Variants in RHBDL2 observed in about 807,000 individuals in gnomAD.
RHBDL2 encodes rhomboid like 2.
In RHBDL2, 26 loss-of-function variants were observed where a neutral mutation model predicts 31.7. That is an observed-to-expected ratio of 0.82 (90% CI 0.60 to 1.14). RHBDL2 has a LOEUF of 1.14. RHBDL2 is among the 50% of genes most tolerant of loss of function. The probability of loss-of-function intolerance (pLI) is 0.00; values close to 1 mark genes in which losing one functional copy is unlikely to be tolerated. For synonymous variants in RHBDL2, 123 were observed against 127.2 expected (o/e 0.97, Z 0.22); for missense variants, 336 against 364.4 (o/e 0.92, Z 0.63).
chr1:38,937,227 T>C (rs1353648885), intron 1 of RHBDL2, among the ~76,000 whole-genome samples: 2 of 152,146 alleles, frequency 1.3e-5, no homozygotes, highest in East Asian at 3.9e-4. Context: ...ATTACAGGCG[T>C]GAGCCACCGC....
At chr1:38,926,182 A>G in intron 1 of RHBDL2, 3 of 1,093,962 alleles carry the variant, frequency 2.7e-6, no homozygotes, top group Non-Finnish European at 3.4e-6. Context: ...AGGATTTCTG[A>G]GGCTGGAGGT....
intron 4 of RHBDL2, among the ~76,000 whole-genome samples, chr1:38,905,936 G>A (rs1208341654): frequency 6.6e-6 from 1 of 151,328 alleles, no homozygotes; most frequent in East Asian, 2.0e-4. Flanking sequence ...GCATGGTGGT[G>A]AGCACCTGTA....
At chr1:38,929,547 C>G (rs1433166376) in intron 1 of RHBDL2, 1 of 1,289,286 alleles carries the variant, frequency 7.8e-7, no homozygotes, top group East Asian at 5.5e-5. Context: ...ATTGTTTTTT[C>G]TAAACAGCTG....
rs1394337721 is a variant in RHBDL2, at chr1:38,911,333, C to T, written c.497G>A (p.Gly166Glu). Residue 166 changes from glycine (G) to glutamate (E), a missense_variant, in exon 4 of 8, where the codon GGA becomes GAA. Coordinates refer to ENST00000372990, the MANE Select transcript of RHBDL2 (RefSeq NM_017821.5). ...CTCAGAACACTGACCTGCAATCACTCCTGCCAGGTACACCAGCCCCACACG... is the reference window on the plus strand; with the variant it reads ...CTCAGAACACTGACCTGCAATCACTTCTGCCAGGTACACCAGCCCCACACG... Reference protein sequence around the residue: ...GLRVGLVYLAGVIAGSLASSI... With the variant: ...GLRVGLVYLAEVIAGSLASSI... The T allele has an allele frequency of 1.2e-6, 2 of 1,610,278 alleles. No individual in the cohort carries two copies. Among genetic ancestry groups the T allele is most frequent in the South Asian group, 2.2e-5 (2 of 91,004 alleles).
At chr1:38,890,090 T>C (rs1570910731) in intron 6 of RHBDL2, among the ~76,000 whole-genome samples, 1 of 151,214 alleles carries the variant, frequency 6.6e-6, no homozygotes, top group African/African-American at 2.4e-5. Context: ...TAGGCTGGAG[T>C]GCAGTGGTGC....
chr1:38,935,140 T>C (rs1643482906), intron 1 of RHBDL2, among the ~76,000 whole-genome samples: 1 of 152,164 alleles, frequency 6.6e-6, no homozygotes, highest in African/African-American at 2.4e-5. Flanking sequence ...ATTTCACTTG[T>C]TCAGTTTATG....
chr1:38,887,209 T>G (rs1557606086), intron 7 of RHBDL2, among the ~76,000 whole-genome samples: 1 of 152,120 alleles, frequency 6.6e-6, no homozygotes. Flanking sequence ...TTCCAATCTG[T>G]TTTTTTGTTT....
intron 1 of RHBDL2, among the ~76,000 whole-genome samples, chr1:38,937,277 C>T (rs1299706813): frequency 1.3e-5 from 2 of 152,176 alleles, no homozygotes; most frequent in African/African-American, 4.8e-5. Context: ...AAAACAAATA[C>T]TACGAGTCTG....
At chr1:38,931,260 G>A (rs978467195) in intron 1 of RHBDL2, among the ~76,000 whole-genome samples, 7 of 152,272 alleles carry the variant, frequency 4.6e-5, no homozygotes, top group Non-Finnish European at 7.4e-5. Context: ...TATGGCTCAC[G>A]CCTGTAATCC....
chr1:38,911,645 T>TGCGC (rs1195021985), intron 3 of RHBDL2, among the ~76,000 whole-genome samples: 9 of 63,992 alleles, frequency 1.4e-4, no homozygotes, highest in African/African-American at 1.9e-4. Flanking sequence ...TGTGTGTGTG[T>TGCGC]GCGCGCGCGC....
At chr1:38,893,500 TAAC>T (rs1642878907) in intron 5 of RHBDL2, among the ~76,000 whole-genome samples, 1 of 152,170 alleles carries the variant, frequency 6.6e-6, no homozygotes, top group African/African-American at 2.4e-5. Flanking sequence ...AATCAGCACT[TAAC>T]ATGTCAATAA....
intron 5 of RHBDL2, 34 bp downstream of exon 5, chr1:38,895,935 A>G: frequency 7.3e-7 from 1 of 1,374,178 alleles, no homozygotes; most frequent in Admixed American, 2.0e-5. Context: ...TGTTTTTTTA[A>G]GAGACTCGTG....
At chr1:38,940,427 G>A (rs1643548878) in intron 1 of RHBDL2, among the ~76,000 whole-genome samples, 1 of 151,802 alleles carries the variant, frequency 6.6e-6, no homozygotes, top group Non-Finnish European at 1.5e-5. Flanking sequence ...GGCTGGTCTC[G>A]AACTCCTGGA....
At chr1:38,929,692 G>T in intron 1 of RHBDL2, 1 of 552,522 alleles carries the variant, frequency 1.8e-6, no homozygotes, top group Non-Finnish European at 2.3e-6. Flanking sequence ...GGGCTGCCAG[G>T]GAGACTTTCG....
At chr1:38,939,132 T>A (rs1235385370) in intron 1 of RHBDL2, among the ~76,000 whole-genome samples, 1 of 152,136 alleles carries the variant, frequency 6.6e-6, no homozygotes, top group Admixed American at 6.6e-5. Flanking sequence ...GTGAATGAGT[T>A]AACGAATCAG....
At chr1:38,893,585 T>G (rs888022061) in intron 5 of RHBDL2, among the ~76,000 whole-genome samples, 2 of 152,208 alleles carry the variant, frequency 1.3e-5, no homozygotes, top group African/African-American at 2.4e-5. Flanking sequence ...TAATATTCAT[T>G]TGATGTTTCT....
intron 1 of RHBDL2, among the ~76,000 whole-genome samples, chr1:38,937,875 A>G (rs1348431359): frequency 6.6e-6 from 1 of 152,182 alleles, no homozygotes; most frequent in Non-Finnish European, 1.5e-5. Context: ...TGAACAAACC[A>G]TGCTGAAGTC....
intron 1 of RHBDL2, chr1:38,926,154 A>T: frequency 9.2e-7 from 1 of 1,082,068 alleles, no homozygotes; most frequent in Non-Finnish European, 1.1e-6. Context: ...CAGCTTGACC[A>T]ATCAGCTGCA....
intron 4 of RHBDL2, among the ~76,000 whole-genome samples, chr1:38,897,076 T>G (rs1207582628): frequency 1.3e-5 from 2 of 151,932 alleles, no homozygotes; most frequent in Non-Finnish European, 2.9e-5. Context: ...GAGGAGGAGA[T>G]AGCATTTTCA....
Sources: allele counts gnomAD v4.1 joint callset (sites outside exome capture counted in the v4.1 genomes callset), GRCh38; gene constraint gnomAD v4.1.1; transcripts MANE v1.5; gene names NCBI Gene and HGNC (gene_info 2026-07-23, HGNC 2026-07-21).